The following EIF5B variants were observed in gnomAD, a reference collection of about 807,000 sequenced individuals.
EIF5B encodes eukaryotic translation initiation factor 5B.
Under a neutral mutation model 147.5 loss-of-function variants are expected in EIF5B, and 47 were observed. The ratio of observed to expected loss-of-function variants is 0.32; its 90% CI spans 0.25 to 0.41. The LOEUF is 0.41. Ranked by LOEUF, EIF5B falls within the 10% of genes least tolerant of loss-of-function variation. The pLI, the probability that EIF5B is intolerant of heterozygous loss-of-function variation, is 1.00. For missense variants in EIF5B, 1,064 were observed against 1,413.2 expected, an observed-to-expected ratio of 0.75 and a Z score of 3.96; for synonymous variants, 455 against 456.2, an observed-to-expected ratio of 1.00 and a Z score of 0.03.
chr2:99,347,432 C>T (rs2094275678), intron 1 of EIF5B, among the ~76,000 whole-genome samples: 1 of 151,986 alleles, frequency 6.6e-6, no homozygotes, highest in African/African-American at 2.4e-5. Flanking sequence ...CTTTGTTCAC[C>T]TGGGGATCTT....
intron 21 of EIF5B, among the ~76,000 whole-genome samples, chr2:99,395,340 TCCTTTC>T (rs926142638): frequency 4.6e-5 from 7 of 152,204 alleles, no homozygotes; most frequent in African/African-American, 1.7e-4. Flanking sequence ...GCCTCCCTCC[TCCTTTC>T]CCTTTGAGAC....
intron 4 of EIF5B, 142 bp from the exon 5 acceptor site, chr2:99,363,503 C>A: frequency 1.3e-6 from 1 of 782,840 alleles, no homozygotes; most frequent in Non-Finnish European, 2.1e-6. Context: ...GCTCAGGATG[C>A]CTTGATGCCT....
rs1675353369 is a variant in EIF5B at position 99,401,237 on chromosome 2, A to G, written c.*1823A>G. 1.3e-6 allele frequency: 2 copies of G among 1,571,606 alleles called. No individual in the cohort carries two copies. Among genetic ancestry groups the G allele is most frequent in the Non-Finnish European group, 1.8e-6 (2 of 1,141,804 alleles). On this transcript the variant is annotated 3_prime_UTR_variant, in exon 24 of 24. Coordinates refer to ENST00000289371, the MANE Select transcript of EIF5B (RefSeq NM_015904.4). Reference sequence around the variant, plus strand: ...TCAGAGAGCATCAGGCTCTCTGGTAATATTTATGTAACTTTTAATGTGCTT... The same window carrying G: ...TCAGAGAGCATCAGGCTCTCTGGTAGTATTTATGTAACTTTTAATGTGCTT...
rs1193194666 is a variant in EIF5B, at chr2:99,371,559, C to CT, written c.1478-90dup. On this transcript the variant is annotated intron_variant, in intron 8 of 23. Coordinates refer to ENST00000289371, the MANE Select transcript of EIF5B (RefSeq NM_015904.4). ...ATATTTTTTACATAATTAAAACATT[C>CT]TTTTTTTATGTCAGAGCATAATTTT... is the stretch of plus-strand genomic sequence containing the variant. 7 of 860,616 alleles carry CT rather than the reference C, an allele frequency of 8.1e-6. No homozygotes were observed. In the South Asian group the frequency reaches 8.9e-5, roughly 11 times the overall value. The allele number at this position is 860,616 out of a possible 1,614,324, so 53.3% of individuals were successfully genotyped here. A position where few individuals can be genotyped will look rare whatever the true frequency, so the allele number is the denominator to read the frequency against.
intron 1 of EIF5B, among the ~76,000 whole-genome samples, chr2:99,355,130 T>G (rs1245728311): frequency 6.6e-6 from 1 of 152,090 alleles, no homozygotes; most frequent in Non-Finnish European, 1.5e-5. Context: ...TGTGGGACTG[T>G]TTTTGGGTTC....
At chr2:99,386,856 A>G (rs533098395) in intron 14 of EIF5B, among the ~76,000 whole-genome samples, 17 of 151,920 alleles carry the variant, frequency 1.1e-4, no homozygotes, top group Admixed American at 2.6e-4. Flanking sequence ...CCTTTTCTTA[A>G]TAGTGTGTTT....
chr2:99,343,012 G>A (rs2094263803), intron 1 of EIF5B, among the ~76,000 whole-genome samples: 1 of 150,728 alleles, frequency 6.6e-6, no homozygotes, highest in African/African-American at 2.4e-5. Context: ...CCAGGCTGGA[G>A]TGCAGTGGCG....
Position 99,401,208 on chromosome 2 carries a change from G to T in EIF5B, c.*1794G>T. ...ATACCTCACAAGCACTTATGGCACAGCTATCAGAGAGCATCAGGCTCTCTG... is the reference window on the plus strand; with the variant it reads ...ATACCTCACAAGCACTTATGGCACATCTATCAGAGAGCATCAGGCTCTCTG... On this transcript the variant is annotated 3_prime_UTR_variant, in exon 24 of 24. Coordinates refer to ENST00000289371, the MANE Select transcript of EIF5B (RefSeq NM_015904.4). 1 of 1,306,448 alleles carries T rather than the reference G, an allele frequency of 7.7e-7. No homozygotes were observed. The highest frequency in any genetic ancestry group is 1.1e-6 in the Non-Finnish European group (1 of 900,616). The allele number at this position is 1,306,448 out of a possible 1,614,324, so 80.9% of individuals were successfully genotyped here.
intron 1 of EIF5B, among the ~76,000 whole-genome samples, chr2:99,351,687 GT>G (rs78415551): frequency 4.7e-5 from 7 of 149,040 alleles, no homozygotes; most frequent in Admixed American, 6.7e-5. Flanking sequence ...ATATCATTGT[GT>G]TTTTTTTTTG....
chr2:99,378,597 T>G (rs956395822), intron 10 of EIF5B, among the ~76,000 whole-genome samples: 1 of 152,228 alleles, frequency 6.6e-6, no homozygotes, highest in Admixed American at 6.5e-5. Context: ...AATTCTTAGG[T>G]TCCAGTGAAT....
rs751450378 is a variant in EIF5B at position 99,341,021 on chromosome 2, C to T, written c.35+3432C>T. Among the ~76,000 whole-genome samples, 6 of 152,302 alleles carry T rather than the reference C, an allele frequency of 3.9e-5. No homozygotes were observed. In the East Asian group the frequency reaches 1.2e-3, roughly 29 times the overall value. On this transcript the variant is annotated intron_variant, in intron 1 of 23. Transcript: ENST00000289371. ...TCAAGTGATCCTCCCACCCTGGCCT[C>T]CCAAAGGCCTGGAATTACAGGTGTG...
At chr2:99,377,479 C>T (rs544575437) in intron 10 of EIF5B, among the ~76,000 whole-genome samples, 1 of 151,098 alleles carries the variant, frequency 6.6e-6, no homozygotes, top group South Asian at 2.1e-4. Context: ...TTGGCCTTTG[C>T]CTACTAGATG....
Position 99,394,506 on chromosome 2 carries a change from C to T in EIF5B, c.3013-3C>T. On this transcript the variant is annotated splice_polypyrimidine_tract_variant and splice_region_variant and intron_variant, in intron 19 of 23. Transcript: ENST00000289371. ...ATAAACATGGAAACTCCCATTTTTTCAGTATGCAGGAATTAACATTGGCCC... is the reference window on the plus strand; with the variant it reads ...ATAAACATGGAAACTCCCATTTTTTTAGTATGCAGGAATTAACATTGGCCC... The T allele has an allele frequency of 3.1e-6, 5 of 1,612,904 alleles. No homozygotes were observed. The highest frequency in any genetic ancestry group is 3.4e-6 in the Non-Finnish European group (4 of 1,179,682).
chr2:99,379,517 A>T (rs1674645181), intron 12 of EIF5B, 89 bp downstream of exon 12: 2 of 979,064 alleles, frequency 2.0e-6, no homozygotes, highest in Admixed American at 2.5e-5. Flanking sequence ...AGAGACTAGG[A>T]TAACAGCTCC....
chr2:99,359,445 C>T (rs1674160856), intron 1 of EIF5B, among the ~76,000 whole-genome samples: 1 of 152,220 alleles, frequency 6.6e-6, no homozygotes, highest in Non-Finnish European at 1.5e-5. Context: ...ATAAAGGCCA[C>T]ATTACATGAG....
At chr2:99,394,431 G>A (rs1435242727) in intron 19 of EIF5B, 33 bp downstream of exon 19, 3 of 1,613,460 alleles carry the variant, frequency 1.9e-6, no homozygotes, top group East Asian at 2.2e-5. Flanking sequence ...ACAAGTGAAT[G>A]GTGGTTGGTC....
chr2:99,382,038 G>C (rs2104229042), intron 12 of EIF5B, 121 bp from the exon 13 acceptor site: 1 of 702,836 alleles, frequency 1.4e-6, no homozygotes. Context: ...TGTTTCTAAA[G>C]CCATTTATAT....
chr2:99,361,098 G>A, intron 3 of EIF5B, 50 bp from the exon 4 acceptor site: 1 of 1,412,638 alleles, frequency 7.1e-7, no homozygotes, highest in Non-Finnish European at 9.4e-7. Flanking sequence ...ACATGACTCT[G>A]GTCTCAATTA....
rs772033897 is a variant in EIF5B, at chr2:99,360,547, A to T, written c.244A>T (p.Lys82Ter). ...IKADRETVAV[K>*]PTENNEEEFT... ...AGCTGACAGAGAAACTGTTGCAGTG[A>T]AGGTGAAAGACAGACCTTTGTTACC... Residue 82 changes from lysine to a stop codon, truncating the protein, a stop_gained and splice_region_variant, in exon 3 of 24, where the codon AAG becomes TAG. Transcript: ENST00000289371. LOFTEE classifies it high-confidence loss of function. 1 of 1,612,694 alleles carries T rather than the reference A, an allele frequency of 6.2e-7. No individual in the cohort carries two copies.
Sources: gnomAD v4.1 joint callset for allele counts (sites outside exome capture counted in the v4.1 genomes callset) on GRCh38, gnomAD v4.1.1 for gene constraint, MANE v1.5 for transcripts, NCBI Gene and HGNC (gene_info 2026-07-23, HGNC 2026-07-21) for gene names.